The following BROX variants were observed in gnomAD, a reference collection of about 807,000 sequenced individuals.
BROX encodes the protein BRO1 domain-containing protein BROX.
Under a neutral mutation model 61.0 loss-of-function variants are expected in BROX, and 53 were observed. The ratio of observed to expected loss-of-function variants is 0.87; its 90% CI spans 0.70 to 1.09. BROX has a LOEUF of 1.09. Among genes scored for constraint, BROX ranks in the 50% least tolerant of loss-of-function variants. The probability of loss-of-function intolerance (pLI) is 0.00; values close to 1 mark genes in which losing one functional copy is unlikely to be tolerated. For missense variants in BROX, 489 were observed against 472.0 expected, an observed-to-expected ratio of 1.04 and a Z score of -0.33; for synonymous variants, 152 against 160.2, an observed-to-expected ratio of 0.95 and a Z score of 0.38.
chr1:222,729,937 A>G (rs1193726582), intron 10 of BROX, 90 bp from the exon 11 acceptor site: 33 of 1,264,404 alleles, frequency 2.6e-5, no homozygotes, highest in Non-Finnish European at 3.5e-5. Flanking sequence ...AGAGCAGTAA[A>G]TGTCTTATCA....
At chr1:222,726,193 G>C (rs1366090283) in intron 7 of BROX, among the ~76,000 whole-genome samples, 2 of 151,988 alleles carry the variant, frequency 1.3e-5, no homozygotes, top group Non-Finnish European at 2.9e-5. Flanking sequence ...CCTTTCAATG[G>C]CAAGTAATAA....
chr1:222,729,551 A>C, intron 9 of BROX, 69 bp from the exon 10 acceptor site: 1 of 1,212,550 alleles, frequency 8.2e-7, no homozygotes, highest in Non-Finnish European at 1.2e-6. Flanking sequence ...TATCTGATAG[A>C]TACATAAAAC....
rs1355660493 is a variant in BROX at position 222,712,727 on chromosome 1, G to C, written c.-232G>C. On this transcript the variant is annotated 5_prime_UTR_variant, in exon 1 of 13. Coordinates refer to ENST00000340934, the MANE Select transcript of BROX (RefSeq NM_144695.4). ...CGAAGCGTTTTGAGGGGACTGCAAC[G>C]CCGCGGCAATACCCGCCCCTGAGCT... is the stretch of plus-strand genomic sequence containing the variant. 1 of 1,290,576 alleles carries C rather than the reference G, an allele frequency of 7.7e-7. No homozygotes were observed. The highest frequency in any genetic ancestry group is 1.0e-6 in the Non-Finnish European group (1 of 989,804). 79.9% of individuals were successfully genotyped at this position (1,290,576 alleles called of 1,614,324 possible).
chr1:222,725,186 T>C (rs922788562), intron 6 of BROX, among the ~76,000 whole-genome samples: 21 of 152,216 alleles, frequency 1.4e-4, no homozygotes, highest in African/African-American at 4.8e-4. Flanking sequence ...AAGATGATAG[T>C]GTGACTTGCG....
At chr1:222,722,679 G>A (rs1327559109) in intron 5 of BROX, among the ~76,000 whole-genome samples, 165 bp downstream of exon 5, 2 of 152,028 alleles carry the variant, frequency 1.3e-5, no homozygotes, top group Non-Finnish European at 2.9e-5. Flanking sequence ...AGCGTTAAGA[G>A]GTAAAATAAA....
intron 4 of BROX, among the ~76,000 whole-genome samples, 193 bp from the exon 5 acceptor site, chr1:222,722,226 A>T (rs906754543): frequency 3.9e-5 from 6 of 152,168 alleles, no homozygotes; most frequent in African/African-American, 1.4e-4. Context: ...TACCTTCTGG[A>T]CCATTATACT....
chr1:222,727,193 A>G lies in BROX; in HGVS notation c.606A>G (p.Leu202=), dbSNP rs536323564. The change falls in exon 8 of 13, where the codon CTA becomes CTG. Residue 202 remains leucine (L), a synonymous_variant. Coordinates refer to ENST00000340934, the MANE Select transcript of BROX (RefSeq NM_144695.4). ...TAACAATTGCTCGAGCAATTGAACT[A>G]AAACATGCTCCTGGACTAATTGCTG... ...QEVTIARAIE[L]KHAPGLIAAL... is the part of the protein sequence containing the mutation. 5.3e-4 allele frequency: 855 copies of G among 1,613,310 alleles called. 10 individuals are homozygous for G. The South Asian group carries it at 8.9e-3, about 17-fold the overall frequency.
intron 11 of BROX, among the ~76,000 whole-genome samples, chr1:222,730,864 A>G (rs190568859): frequency 1.1e-4 from 17 of 152,158 alleles, no homozygotes; most frequent in Admixed American, 1.0e-3. Context: ...CTCTGGTTTC[A>G]GCTACCTATA....
rs779769628 is a variant in BROX, at chr1:222,719,310, T to C, written c.256T>C (p.Tyr86His). ...DESTQESKLRYIQNFKWTDTL... is the reference protein window; with the variant it reads ...DESTQESKLRHIQNFKWTDTL... ...ATCTACCCAAGAAAGCAAGTTACGA[T>C]ATATTCAAAATTTCAAGTGGACTGA... Residue 86 changes from tyrosine (Y) to histidine (H), a missense_variant, in exon 4 of 13, where the codon TAT becomes CAT. By Grantham distance (83) the Tyr-to-His change is moderately conservative. Transcript: ENST00000340934. 3.1e-6 allele frequency: 5 copies of C among 1,609,352 alleles called. No homozygotes were observed. The highest frequency in any genetic ancestry group is 4.3e-6 in the Non-Finnish European group (5 of 1,175,774).
intron 11 of BROX, 109 bp downstream of exon 11, chr1:222,730,286 G>A (rs1331968356): frequency 1.3e-6 from 1 of 794,816 alleles, no homozygotes; most frequent in Non-Finnish European, 1.8e-6. Flanking sequence ...ATTCCCAAAA[G>A]TTTTATGTTG....
In BROX at chr1:222,724,167, A is replaced by AAAAC; in HGVS notation, c.474+15_474+18dup. 6.3e-7 allele frequency: 1 copy of AAAAC among 1,596,944 alleles called. No homozygotes were observed. Among genetic ancestry groups the AAAAC allele is most frequent in the Non-Finnish European group, 8.5e-7 (1 of 1,172,084 alleles). On this transcript the variant is annotated splice_donor_region_variant and intron_variant, in intron 6 of 12. Coordinates refer to ENST00000340934, the MANE Select transcript of BROX (RefSeq NM_144695.4). ...CTGGGATTTTTAAACATTTAAAGGT[A>AAAAC]AAACAAACAAACAAAAACCATTATT...
chr1:222,719,294 A>T lies in BROX; in HGVS notation c.240A>T (p.Gln80His), dbSNP rs760338078. 3.1e-6 allele frequency: 5 copies of T among 1,607,194 alleles called. No individual in the cohort carries two copies. Among genetic ancestry groups the T allele is most frequent in the Non-Finnish European group, 4.3e-6 (5 of 1,173,832 alleles). The change falls in exon 4 of 13, where the codon CAA (glutamine) becomes CAT (histidine). Residue 80 changes from glutamine to histidine, a missense_variant. Transcript: ENST00000340934. ...TAAATTCTTTGGATGAATCTACCCAAGAAAGCAAGTTACGATATATTCAAA... is the reference window on the plus strand; with the variant it reads ...TAAATTCTTTGGATGAATCTACCCATGAAAGCAAGTTACGATATATTCAAA... Reference protein sequence around the residue: ...GFINSLDESTQESKLRYIQNF... With the variant: ...GFINSLDESTHESKLRYIQNF...
chr1:222,719,126 C>G, intron 3 of BROX, 95 bp downstream of exon 3: 1 of 1,292,588 alleles, frequency 7.7e-7, no homozygotes, highest in Non-Finnish European at 1.1e-6. Flanking sequence ...GTTTACTCTT[C>G]CAGACTGTAT....
At chr1:222,727,392 G>A in intron 8 of BROX, 135 bp downstream of exon 8, 1 of 679,798 alleles carries the variant, frequency 1.5e-6, no homozygotes, top group East Asian at 2.8e-5. Flanking sequence ...TTTATTTATT[G>A]CATTTAAAAT....
At chr1:222,727,290 T>G (rs763833733) in intron 8 of BROX, 33 bp downstream of exon 8, 1 of 1,477,046 alleles carries the variant, frequency 6.8e-7, no homozygotes, top group Non-Finnish European at 9.4e-7. Flanking sequence ...ACATTTTTAG[T>G]CTTTAGATTT....
intron 4 of BROX, among the ~76,000 whole-genome samples, chr1:222,722,124 G>A (rs935707565): frequency 1.3e-5 from 2 of 152,172 alleles, no homozygotes; most frequent in African/African-American, 2.4e-5. Context: ...CCGACTCTGG[G>A]ATTAAGGCCC....
At position 222,732,662 on chromosome 1, in the gene BROX, T is replaced by G; in HGVS notation, c.1184T>G (p.Val395Gly). The change falls in exon 13 of 13, where the codon GTG (valine) becomes GGG (glycine). Residue 395 changes from valine (V) to glycine (G), a missense_variant. Transcript: ENST00000340934. Reference sequence around the variant, plus strand: ...AAACCAGAAGAAGAAGTGAAACCTGTGAAAGAACCAGACATCAAACCTCAA... The same window carrying G: ...AAACCAGAAGAAGAAGTGAAACCTGGGAAAGAACCAGACATCAAACCTCAA... ...KPKPEEEVKP[V>G]KEPDIKPQKD... 6.2e-7 allele frequency: 1 copy of G among 1,613,758 alleles called. No individual in the cohort carries two copies. The highest frequency in any genetic ancestry group is 1.3e-5 in the African/African-American group (1 of 75,032).
At chr1:222,716,238 A>G (rs1045425124) in intron 2 of BROX, among the ~76,000 whole-genome samples, 3 of 152,106 alleles carry the variant, frequency 2.0e-5, no homozygotes, top group African/African-American at 7.2e-5. Context: ...AGCTGGGATT[A>G]CAGGCACCTG....
Position 222,734,043 on chromosome 1 carries a change from CAT to C in BROX, c.*1331_*1332del. The C allele has an allele frequency of 6.6e-6, 1 of 152,220 alleles. No individual in the cohort carries two copies. Among genetic ancestry groups the C allele is most frequent in the Middle Eastern group, 3.4e-3 (1 of 294 alleles). The allele number at this position is 152,220 out of a possible 1,614,324, so 9.4% of individuals were successfully genotyped here. A position where few individuals can be genotyped will look rare whatever the true frequency, so the allele number is the denominator to read the frequency against. On this transcript the variant is annotated 3_prime_UTR_variant, in exon 13 of 13. Coordinates refer to ENST00000340934, the MANE Select transcript of BROX (RefSeq NM_144695.4). ...TTTAGGCCAAAGGCCATAGCAAAAACATAGAGAACAAATATGATCTTAAAAAT... is the reference window on the plus strand; with the variant it reads ...TTTAGGCCAAAGGCCATAGCAAAAACAGAGAACAAATATGATCTTAAAAAT...
Sources: gnomAD v4.1 joint callset for allele counts (sites outside exome capture counted in the v4.1 genomes callset) on GRCh38, gnomAD v4.1.1 for gene constraint, MANE v1.5 for transcripts, NCBI Gene and HGNC (gene_info 2026-07-23, HGNC 2026-07-21) for gene names.